Variants in PCSK6 observed in about 807,000 individuals in gnomAD.
PCSK6 encodes the protein proprotein convertase subtilisin/kexin type 6.
A neutral mutation model predicts 123.3 loss-of-function variants in PCSK6; 85 were observed. The ratio of observed to expected loss-of-function variants is 0.69; its 90% CI spans 0.58 to 0.83. PCSK6 has a LOEUF of 0.83. Ranked by LOEUF, PCSK6 falls within the 40% of genes least tolerant of loss-of-function variation. PCSK6 has a pLI of 0.00. For missense variants in PCSK6, 1,191 were observed against 1,282.3 expected (o/e 0.93, Z 1.09); for synonymous variants, 508 against 516.0 (o/e 0.98, Z 0.21).
chr15:101,325,090 C>A (rs761374461), intron 16 of PCSK6, 44 bp from the exon 17 acceptor site: 3 of 1,441,834 alleles, frequency 2.1e-6, no homozygotes, highest in Admixed American at 3.8e-5. Flanking sequence ...GCCAACCCAG[C>A]CCCAGCCCCA....
intron 19 of PCSK6, among the ~76,000 whole-genome samples, chr15:101,314,485 G>C (rs544572551): frequency 2.6e-5 from 4 of 152,228 alleles, no homozygotes; most frequent in African/African-American, 9.6e-5. Context: ...GCTTCAGTTC[G>C]ATTGTGGTCG....
rs748485565 is a variant in PCSK6, at chr15:101,318,308, G to A, written c.2569+11C>T. ...ACGCTGGCCCGAGGCCTCCGCAGGC[G>A]GTGAACTCACCCACGCAGGTTCCGC... On this transcript the variant is annotated intron_variant, in intron 19 of 21. Transcript: ENST00000611716. The A allele has an allele frequency of 6.5e-6, 10 of 1,547,860 alleles. No individual in the cohort carries two copies. The highest frequency in any genetic ancestry group is 1.7e-4 in the Middle Eastern group (1 of 5,944).
At chr15:101,355,600 C>A (rs2041013467) in intron 13 of PCSK6, among the ~76,000 whole-genome samples, 1 of 152,242 alleles carries the variant, frequency 6.6e-6, no homozygotes, top group Non-Finnish European at 1.5e-5. Flanking sequence ...GCAGACCCGG[C>A]ATGGGGCAGG....
rs558707930 is a variant in PCSK6, at chr15:101,483,870, G to A, written c.297+5504C>T. On this transcript the variant is annotated intron_variant, in intron 1 of 21. Coordinates refer to ENST00000611716, the MANE Select transcript of PCSK6 (RefSeq NM_002570.5). ...GATCGGCCCAGTCTGGACATCTAAA[G>A]TAGGGACTTCTTAACATGGGCCTGC... Among the ~76,000 whole-genome samples the A allele has an allele frequency of 1.7e-3, 257 of 152,372 alleles. 1 individual carries two copies. The highest frequency in any genetic ancestry group is 6.0e-3 in the African/African-American group (251 of 41,592).
intron 6 of PCSK6, 68 bp downstream of exon 6, chr15:101,427,824 G>A (rs926453699): frequency 1.6e-4 from 201 of 1,254,122 alleles, no homozygotes; most frequent in Non-Finnish European, 2.0e-4. Context: ...TGAGACCAGC[G>A]GACAGGGAGC....
chr15:101,430,159 C>T (rs538755268), intron 4 of PCSK6, 96 bp from the exon 5 acceptor site: 23 of 861,556 alleles, frequency 2.7e-5, no homozygotes, highest in South Asian at 7.1e-5. Flanking sequence ...AGAAACCACA[C>T]GCGGGGCTCC....
chr15:101,481,290 G>A (rs1357698574), intron 1 of PCSK6, among the ~76,000 whole-genome samples: 2 of 151,818 alleles, frequency 1.3e-5, no homozygotes, highest in African/African-American at 4.9e-5. Flanking sequence ...TGACAGTGCA[G>A]CAGAACTTGG....
At chr15:101,348,217 A>T (rs751792521) in intron 13 of PCSK6, among the ~76,000 whole-genome samples, 9 of 152,188 alleles carry the variant, frequency 5.9e-5, no homozygotes, top group South Asian at 4.1e-4. Context: ...GAACGTCAGC[A>T]GCCATTCCAA....
chr15:101,326,630 G>A (rs866277717), intron 15 of PCSK6, among the ~76,000 whole-genome samples, 151 bp from the exon 16 acceptor site: 2 of 152,252 alleles, frequency 1.3e-5, no homozygotes, highest in African/African-American at 4.8e-5. Flanking sequence ...CGACAAGGCG[G>A]GAGCAGCCGT....
intron 13 of PCSK6, among the ~76,000 whole-genome samples, chr15:101,363,829 G>T (rs1402708390): frequency 6.7e-6 from 1 of 150,270 alleles, no homozygotes; most frequent in African/African-American, 2.5e-5. Flanking sequence ...TAGTAGAGAT[G>T]GGGTTTCACC....
chr15:101,386,782 A>C (rs2042077510), intron 9 of PCSK6, among the ~76,000 whole-genome samples: 1 of 152,220 alleles, frequency 6.6e-6, no homozygotes, highest in Non-Finnish European at 1.5e-5. Context: ...GTTGTGAACC[A>C]TGCTGCCATG....
chr15:101,327,809 C>T (rs1160067962), intron 15 of PCSK6, among the ~76,000 whole-genome samples: 1 of 152,108 alleles, frequency 6.6e-6, no homozygotes, highest in East Asian at 1.9e-4. Context: ...GTGTTATTTC[C>T]CTAGTTTTCA....
chr15:101,475,160 C>T (rs1049025496), intron 1 of PCSK6, among the ~76,000 whole-genome samples: 2 of 152,222 alleles, frequency 1.3e-5, no homozygotes, highest in African/African-American at 4.8e-5. Context: ...CCGTTCACTA[C>T]TCCTCTCGCA....
At chr15:101,449,784 A>G (rs1253118261) in intron 1 of PCSK6, among the ~76,000 whole-genome samples, 1 of 152,146 alleles carries the variant, frequency 6.6e-6, no homozygotes, top group Non-Finnish European at 1.5e-5. Context: ...CCGAGAAGAC[A>G]GGCCCAGAAG....
intron 6 of PCSK6, among the ~76,000 whole-genome samples, chr15:101,425,509 C>T (rs1364422665): frequency 6.6e-6 from 1 of 152,230 alleles, no homozygotes. Context: ...GACTATAATG[C>T]ATATCCTAAC....
chr15:101,325,113 T>C, intron 16 of PCSK6, 67 bp from the exon 17 acceptor site: 1 of 1,189,426 alleles, frequency 8.4e-7, no homozygotes, highest in Non-Finnish European at 1.2e-6. Context: ...CCTGCCCCTT[T>C]GTTTCCTCTG....
Position 101,398,576 on chromosome 15 carries a change from C to A in PCSK6, c.824G>T (p.Gly275Val). 3.7e-6 allele frequency: 6 copies of A among 1,610,462 alleles called. No homozygotes were observed. Among genetic ancestry groups the A allele is most frequent in the Non-Finnish European group, 4.2e-6 (5 of 1,178,198 alleles). Residue 275 changes from glycine to valine, a missense_variant and splice_region_variant, in exon 7 of 22, where the codon GGC becomes GTC. Gly to Val is a moderately radical substitution (Grantham distance 109, BLOSUM62 -3). Transcript: ENST00000611716. This position sits in a 1 kb window ranked among gnomAD's most constrained non-coding sequence, Gnocchi z 4.6. ...VGIAYNAKIGGIRMLDGDVTD... is the reference protein window; with the variant it reads ...VGIAYNAKIGVIRMLDGDVTD... ...GACATCGCCGTCCAGCATGCGGATG[C>A]CTGAAAGCACAGAGGAGGCTCGGTG...
intron 6 of PCSK6, among the ~76,000 whole-genome samples, chr15:101,400,518 A>C (rs1320641370): frequency 6.6e-6 from 1 of 152,220 alleles, no homozygotes; most frequent in Non-Finnish European, 1.5e-5. Context: ...CAAAATAGTG[A>C]AGTTTTCCCT....
At chr15:101,346,828 A>G in intron 13 of PCSK6, 12 of 1,231,666 alleles carry the variant, frequency 9.7e-6, no homozygotes, top group Non-Finnish European at 1.2e-5. Flanking sequence ...GAGATACAGA[A>G]CCGACTAAAC....
Sources: allele counts gnomAD v4.1 joint callset (sites outside exome capture counted in the v4.1 genomes callset), GRCh38; gene constraint gnomAD v4.1.1; non-coding constraint Gnocchi (gnomAD v3.1); transcripts MANE v1.5; gene names NCBI Gene and HGNC (gene_info 2026-07-23, HGNC 2026-07-21).